Variants in HORMAD2 observed in about 807,000 individuals in gnomAD.
HORMAD2 encodes the protein HORMA domain containing 2.
HORMAD2 carries 45 observed loss-of-function variants against 38.8 expected under a neutral mutation model. That is an observed-to-expected ratio of 1.16 (90% CI 0.91 to 1.49). The LOEUF is 1.49. Among genes scored for constraint, HORMAD2 ranks in the 40% most tolerant of loss-of-function variants. HORMAD2 has a pLI of 0.00. For synonymous variants in HORMAD2, 126 were observed against 122.8 expected (o/e 1.03, Z -0.17); for missense variants, 338 against 367.0 (o/e 0.92, Z 0.65).
intron 10 of HORMAD2, among the ~76,000 whole-genome samples, chr22:30,127,675 T>C (rs530445161): frequency 6.6e-6 from 1 of 152,282 alleles, no homozygotes; most frequent in South Asian, 2.1e-4. Flanking sequence ...TCTGGTTTGG[T>C]TTGTCTTTCT....
At chr22:30,166,983 AAAC>A (rs1379478237) in intron 10 of HORMAD2, among the ~76,000 whole-genome samples, 9 of 152,222 alleles carry the variant, frequency 5.9e-5, no homozygotes, top group African/African-American at 2.2e-4. Flanking sequence ...TTGGTGGCTA[AAAC>A]AACAAAAATG....
chr22:30,202,457 AT>A, the HORMAD2 span, among the ~76,000 whole-genome samples: 1 of 151,144 alleles, frequency 6.6e-6, no homozygotes, highest in East Asian at 1.9e-4. Flanking sequence ...AAAAAAAAAG[AT>A]TGAAATGAAC....
At chr22:30,107,737 G>A (rs1182440170) in intron 5 of HORMAD2, among the ~76,000 whole-genome samples, 1 of 151,856 alleles carries the variant, frequency 6.6e-6, no homozygotes, top group Non-Finnish European at 1.5e-5. Flanking sequence ...GCGACAGAGC[G>A]AAACTTCATC....
intron 6 of HORMAD2, 97 bp from the exon 7 acceptor site, chr22:30,112,399 A>G: frequency 6.1e-6 from 4 of 658,340 alleles, no homozygotes; most frequent in Non-Finnish European, 1.1e-5. Flanking sequence ...TACTCAACTA[A>G]TAGAACACAA....
chr22:30,193,304 A>AC, the HORMAD2 span, among the ~76,000 whole-genome samples: 1 of 152,184 alleles, frequency 6.6e-6, no homozygotes, highest in Non-Finnish European at 1.5e-5. Flanking sequence ...ACAAGTCCTT[A>AC]TTTTGTCCCC....
chr22:30,104,412 G>A lies in HORMAD2; in HGVS notation c.269G>A (p.Cys90Tyr), dbSNP rs147502018. 2.2e-4 allele frequency: 347 copies of A among 1,611,026 alleles called. 4 individuals carry two copies. The Admixed American group carries it at 2.3e-3, about 10-fold the overall frequency. The change falls in exon 5 of 11, where the codon TGT becomes TAT. Residue 90 changes from cysteine (C) to tyrosine (Y), a missense_variant. By Grantham distance (194) the Cys-to-Tyr change is radical. Coordinates refer to ENST00000336726, the MANE Select transcript of HORMAD2 (RefSeq NM_152510.4). The stretch of plus-strand genomic sequence containing the variant: ...TTATTTCTTGACAGGATTCAAGGTT[G>A]TTTTGATGCTTTGGAAAAGAGATAC... Reference protein sequence around the residue: ...SLHIIRWIQGCFDALEKRYLR... With the variant: ...SLHIIRWIQGYFDALEKRYLR...
intron 10 of HORMAD2, among the ~76,000 whole-genome samples, chr22:30,139,254 CTATA>C (rs3067131): frequency 0.11 from 10,589 of 96,664 alleles, 614 homozygotes; most frequent in Middle Eastern, 0.15. Flanking sequence ...ATGAACTGTA[CTATA>C]TATATATATA....
intron 10 of HORMAD2, among the ~76,000 whole-genome samples, chr22:30,143,773 G>A (rs1014206665): frequency 5.3e-5 from 8 of 152,174 alleles, no homozygotes; most frequent in Non-Finnish European, 1.0e-4. Context: ...GTAACTGGAG[G>A]TGGGGCCTGA....
At chr22:30,174,448 G>A (rs1260284779) in intron 10 of HORMAD2, among the ~76,000 whole-genome samples, 1 of 152,134 alleles carries the variant, frequency 6.6e-6, no homozygotes, top group East Asian at 1.9e-4. Flanking sequence ...TAACATACTT[G>A]TTTTTCAGCC....
the HORMAD2 span, among the ~76,000 whole-genome samples, chr22:30,191,822 A>AG: frequency 6.6e-6 from 1 of 152,198 alleles, no homozygotes; most frequent in Non-Finnish European, 1.5e-5. Flanking sequence ...TTGCTGCCGG[A>AG]ACATTCAAGA....
chr22:30,186,713 G>T, the HORMAD2 span, among the ~76,000 whole-genome samples: 1 of 152,138 alleles, frequency 6.6e-6, no homozygotes, highest in African/African-American at 2.4e-5. Context: ...GCCTACGTGA[G>T]GAAGTGGAGC....
intron 1 of HORMAD2, among the ~76,000 whole-genome samples, chr22:30,083,121 C>T (rs1012904740): frequency 6.6e-6 from 1 of 151,940 alleles, no homozygotes; most frequent in Non-Finnish European, 1.5e-5. Flanking sequence ...ATAAAATTTG[C>T]TGAGTGTGGT....
chr22:30,098,994 G>A lies in HORMAD2; in HGVS notation c.193+1G>A. 1 of 1,605,258 alleles carries A rather than the reference G, an allele frequency of 6.2e-7. No homozygotes were observed. The highest frequency in any genetic ancestry group is 8.5e-7 in the Non-Finnish European group (1 of 1,176,114). ...TCTTATGGAGAACGCCATTTGGATG[G>A]TAAAGTTAAACTAACTAGTCTCTTT... On this transcript the variant is annotated splice_donor_variant, in intron 3 of 10. Transcript: ENST00000336726. LOFTEE classifies it high-confidence loss of function.
intron 10 of HORMAD2, among the ~76,000 whole-genome samples, chr22:30,130,469 A>T (rs1923194051): frequency 6.7e-6 from 1 of 148,606 alleles, no homozygotes; most frequent in African/African-American, 2.4e-5. Flanking sequence ...TGTCCAAGGA[A>T]TCCCGGGACA....
the HORMAD2 span, among the ~76,000 whole-genome samples, chr22:30,199,807 T>C: frequency 6.6e-6 from 1 of 151,654 alleles, no homozygotes; most frequent in Non-Finnish European, 1.5e-5. Flanking sequence ...GCTTCATCAG[T>C]GATGATGACG....
chr22:30,090,951 C>T (rs192829877), intron 1 of HORMAD2, among the ~76,000 whole-genome samples: 2 of 152,282 alleles, frequency 1.3e-5, no homozygotes, highest in Admixed American at 1.3e-4. Flanking sequence ...TCCTATCTAG[C>T]TGTAATTTTA....
rs1922436985 is a variant in HORMAD2, at chr22:30,121,621, T to C, written c.411-11T>C. ...TATATGATCAAAAAGTATGCTTTTTTTTCTGTGTAGTCATAGCAGCAGTAC... is the reference window on the plus strand; with the variant it reads ...TATATGATCAAAAAGTATGCTTTTTCTTCTGTGTAGTCATAGCAGCAGTAC... On this transcript the variant is annotated splice_polypyrimidine_tract_variant and intron_variant, in intron 8 of 10. Transcript: ENST00000336726. 1.3e-6 allele frequency: 2 copies of C among 1,559,958 alleles called. No individual in the cohort carries two copies. Among genetic ancestry groups the C allele is most frequent in the Non-Finnish European group, 1.7e-6 (2 of 1,154,924 alleles).
intron 10 of HORMAD2, among the ~76,000 whole-genome samples, chr22:30,131,025 A>G (rs1303065527): frequency 6.6e-6 from 1 of 152,154 alleles, no homozygotes; most frequent in Non-Finnish European, 1.5e-5. Flanking sequence ...CTGGGCAGAT[A>G]GCAGTAGACA....
intron 10 of HORMAD2, among the ~76,000 whole-genome samples, chr22:30,147,587 A>G (rs1388802740): frequency 1.3e-5 from 2 of 152,158 alleles, no homozygotes; most frequent in African/African-American, 4.8e-5. Context: ...CTAACCATAA[A>G]AGAAAAAAAT....
Sources: allele counts gnomAD v4.1 joint callset (sites outside exome capture counted in the v4.1 genomes callset), GRCh38; gene constraint gnomAD v4.1.1; transcripts MANE v1.5; gene names NCBI Gene and HGNC (gene_info 2026-07-23, HGNC 2026-07-21).